DNAH2: variants seen among roughly 807,000 people sequenced by gnomAD.
DNAH2 encodes the protein axonemal beta dynein heavy chain 2.
Under a neutral mutation model 523.5 loss-of-function variants are expected in DNAH2, and 323 were observed. The observed-to-expected ratio is 0.62, with a 90% CI of 0.56 to 0.68. The LOEUF is 0.68. DNAH2 is among the 30% of genes least tolerant of loss of function. DNAH2 has a pLI of 0.00. For synonymous variants in DNAH2, 2,093 were observed against 2,177.4 expected (o/e 0.96, Z 1.08); for missense variants, 4,907 against 5,701.5 (o/e 0.86, Z 4.49).
chr17:7,748,880 A>G (rs2075589762), intron 12 of DNAH2, among the ~76,000 whole-genome samples: 1 of 152,028 alleles, frequency 6.6e-6, no homozygotes, highest in Non-Finnish European at 1.5e-5. Context: ...ATTTCTTGAC[A>G]AACTTCAGTT....
Position 7,759,482 on chromosome 17 carries a change from C to A in DNAH2, c.2509C>A (p.Arg837Ser). 1 of 1,614,124 alleles carries A rather than the reference C, an allele frequency of 6.2e-7. No individual in the cohort carries two copies. Among genetic ancestry groups the A allele is most frequent in the East Asian group, 2.2e-5 (1 of 44,880 alleles). The change falls in exon 16 of 86, where the codon CGC becomes AGC. Residue 837 changes from arginine (R) to serine (S), a missense_variant. Physicochemically the swap from Arg to Ser is moderately radical, Grantham distance 110. Coordinates refer to ENST00000572933, the MANE Select transcript of DNAH2 (RefSeq NM_020877.5). ...GGACCGCATGATGGAGGATGCCCTG[C>A]GCCTGAATGTGAAGTGGTCACTGCT... ...RLDRMMEDALRLNVKWSLLEL... is the reference protein window; with the variant it reads ...RLDRMMEDALSLNVKWSLLEL...
In DNAH2 at chr17:7,760,748, G is replaced by A. The variant is rs1460855634; in HGVS notation, c.2794G>A (p.Glu932Lys). The change falls in exon 18 of 86, where the codon GAG (glutamate) becomes AAG (lysine). Residue 932 changes from glutamate to lysine, a missense_variant. By Grantham distance (56) the Glu-to-Lys change is moderately conservative. This residue lies in a region of DNAH2 where 2,806 missense variants were observed against 3,190.8 expected (regional missense o/e 0.88). Coordinates refer to ENST00000572933, the MANE Select transcript of DNAH2 (RefSeq NM_020877.5). This position sits in a 1 kb window ranked among gnomAD's most constrained non-coding sequence, Gnocchi z 4.0. ...TTCTTGGTCCTTTGAAGAGCAAGAT[G>A]AGGACATCAAGAAGATCCAGACCCA... is the stretch of plus-strand genomic sequence containing the variant. ...EPIQTVVEQDEDIKKIQTQIS... is the reference protein window; with the variant it reads ...EPIQTVVEQDKDIKKIQTQIS... 6.2e-7 allele frequency: 1 copy of A among 1,613,604 alleles called. No homozygotes were observed. The highest frequency in any genetic ancestry group is 2.2e-5 in the East Asian group (1 of 44,878).
intron 39 of DNAH2, among the ~76,000 whole-genome samples, chr17:7,781,979 A>C (rs1002584330): frequency 7.2e-5 from 11 of 152,218 alleles, no homozygotes; most frequent in African/African-American, 2.7e-4. Flanking sequence ...AAAATGATGG[A>C]TAAAAATATA....
rs748474052 is a variant in DNAH2 at position 7,719,803 on chromosome 17, G to T, written c.69G>T (p.Gly23=). 5 of 1,613,882 alleles carry T rather than the reference G, an allele frequency of 3.1e-6. No individual in the cohort carries two copies. In the Admixed American group the frequency reaches 8.3e-5, roughly 27 times the overall value. The change falls in exon 2 of 86, where the codon GGG becomes GGT. Residue 23 remains glycine, a synonymous_variant. Coordinates refer to ENST00000572933, the MANE Select transcript of DNAH2 (RefSeq NM_020877.5). The part of the protein sequence containing the change: ...GRGSSQASWS[G]RATRAAVATQ... ...GAAGCTCCCAGGCAAGCTGGTCAGGGCGGGCCACTCGGGCTGCTGTGGCCA... is the reference window on the plus strand; with the variant it reads ...GAAGCTCCCAGGCAAGCTGGTCAGGTCGGGCCACTCGGGCTGCTGTGGCCA...
intron 59 of DNAH2, 133 bp from the exon 60 acceptor site, chr17:7,804,825 G>A (rs1344543387): frequency 4.0e-5 from 30 of 742,194 alleles, no homozygotes; most frequent in African/African-American, 1.1e-4. Context: ...CAGCCTGGGC[G>A]AAAGAGCTAG....
chr17:7,778,879 C>A (rs1350933530), intron 35 of DNAH2, among the ~76,000 whole-genome samples: 2 of 152,158 alleles, frequency 1.3e-5, no homozygotes, highest in African/African-American at 4.8e-5. Context: ...ACGTATAATT[C>A]TTACAACTAG....
rs772095738 is a variant in DNAH2, at chr17:7,764,132, G to T, written c.3195G>T (p.Pro1065=). The T allele has an allele frequency of 6.2e-7, 1 of 1,614,046 alleles. No homozygotes were observed. The highest frequency in any genetic ancestry group is 8.5e-7 in the Non-Finnish European group (1 of 1,180,052). ...KENAEKISRP[P]QTLEELGVSL... is the part of the protein sequence containing the mutation. ...CCGCCTTCAGAATCAGCCGCCCTCC[G>T]CAGACACTGGAGGAACTGGGGGTCA... The change falls in exon 20 of 86, where the codon CCG becomes CCT. Residue 1065 remains proline, a synonymous_variant. Transcript: ENST00000572933.
At position 7,757,320 on chromosome 17, in the gene DNAH2, A is replaced by G. The variant is rs180965276; in HGVS notation, c.2051+83A>G. On this transcript the variant is annotated intron_variant, in intron 13 of 85. Transcript: ENST00000572933. ...TCTTATCTGCCCTGTAATGTTGTTC[A>G]TTTTCTACAATTTCTGTCCTCTACA... 1.5e-3 allele frequency: 2,173 copies of G among 1,486,228 alleles called. 55 individuals are homozygous for G. In the Admixed American group the frequency reaches 0.044, roughly 30 times the overall value. The allele number at this position is 1,486,228 out of a possible 1,614,324, so 92.1% of individuals were successfully genotyped here.
intron 31 of DNAH2, 52 bp downstream of exon 31, chr17:7,776,201 C>G (rs1278632616): frequency 6.3e-6 from 10 of 1,593,500 alleles, no homozygotes; most frequent in Non-Finnish European, 8.6e-6. Flanking sequence ...CACGGTGGCT[C>G]ACGCCTGTAA....
chr17:7,785,488 T>G (rs2076710471), intron 39 of DNAH2, among the ~76,000 whole-genome samples: 1 of 152,170 alleles, frequency 6.6e-6, no homozygotes, highest in Non-Finnish European at 1.5e-5. Context: ...GAAAACATAC[T>G]AATAAAACTA....
rs769592554 is a variant in DNAH2 at position 7,770,412 on chromosome 17, C to G, written c.4098+4C>G. ...TAAAGAGCTGGCTATAGAAGTGGTA[C>G]GACAGTCCCCTCCCATGCTCCCACA... On this transcript the variant is annotated splice_donor_region_variant and intron_variant, in intron 25 of 85. Transcript: ENST00000572933. 15 of 1,611,260 alleles carry G rather than the reference C, an allele frequency of 9.3e-6. No individual in the cohort carries two copies. In the East Asian group the frequency reaches 2.9e-4, roughly 31 times the overall value.
chr17:7,724,742 C>CTTTTTTTTTTTTTTTTTTTTTT (rs57294591), intron 3 of DNAH2, among the ~76,000 whole-genome samples: 1 of 130,446 alleles, frequency 7.7e-6, no homozygotes, highest in Non-Finnish European at 1.6e-5. Flanking sequence ...TCATATGTTA[C>CTTTTTTTTTTTTTTTTTTTTTT]TTTTTTTTTT....
In DNAH2 at chr17:7,823,825, C is replaced by A; in HGVS notation, c.11330-9C>A. 13 of 1,613,616 alleles carry A rather than the reference C, an allele frequency of 8.1e-6. No individual in the cohort carries two copies. The highest frequency in any genetic ancestry group is 1.0e-5 in the Non-Finnish European group (12 of 1,179,690). On this transcript the variant is annotated splice_polypyrimidine_tract_variant and intron_variant, in intron 74 of 85. Transcript: ENST00000572933. ...TCCCTCTCCCTGCAATGACTCACCT[C>A]ATCCCCAGGTGAGTGGGAAAATGCC...
At chr17:7,762,243 G>A (rs1050519072) in intron 18 of DNAH2, among the ~76,000 whole-genome samples, 7 of 152,098 alleles carry the variant, frequency 4.6e-5, no homozygotes, top group South Asian at 2.1e-4. Flanking sequence ...GATATCACAC[G>A]CCAGGGCAGT....
At chr17:7,771,047 T>G (rs1379170288) in intron 27 of DNAH2, 114 bp downstream of exon 27, 1 of 1,197,688 alleles carries the variant, frequency 8.3e-7, no homozygotes, top group Non-Finnish European at 1.2e-6. Context: ...AAGTCACTCT[T>G]CATCTAGGAC....
At position 7,792,847 on chromosome 17, in the gene DNAH2, T is replaced by C; in HGVS notation, c.7336T>C (p.Ser2446Pro). The C allele has an allele frequency of 6.2e-7, 1 of 1,613,810 alleles. No individual in the cohort carries two copies. Among genetic ancestry groups the C allele is most frequent in the Non-Finnish European group, 8.5e-7 (1 of 1,179,744 alleles). ...SQWSVLVVNM[S>P]AQTTSNNVQS... ...GTGGTCGGTGCTCGTTGTCAACATG[T>C]CCGCACAGGTGTGTCGGGGATCCAG... The change falls in exon 47 of 86, where the codon TCC becomes CCC. Residue 2446 changes from serine to proline, a missense_variant. Transcript: ENST00000572933.
Position 7,797,289 on chromosome 17 carries a change from A to C in DNAH2, c.7949+28A>C, listed in dbSNP as rs115953713. ...GACATGCATGTGCCCTGGCCAAACG[A>C]AGGCTTCCTCAGCCTTGCTCCCACC... On this transcript the variant is annotated intron_variant, in intron 51 of 85. Transcript: ENST00000572933. 762 of 1,613,864 alleles carry C rather than the reference A, an allele frequency of 4.7e-4. 3 individuals carry two copies. In the African/African-American group the frequency reaches 9.1e-3, roughly 19 times the overall value.
chr17:7,784,492 A>G (rs889308153), intron 39 of DNAH2, among the ~76,000 whole-genome samples: 2 of 152,188 alleles, frequency 1.3e-5, no homozygotes, highest in Admixed American at 6.5e-5. Context: ...GCATTGAGCC[A>G]TGACTGTACC....
intron 35 of DNAH2, among the ~76,000 whole-genome samples, 198 bp from the exon 36 acceptor site, chr17:7,779,045 C>T (rs1433826023): frequency 6.6e-6 from 1 of 152,202 alleles, no homozygotes; most frequent in East Asian, 1.9e-4. Flanking sequence ...CCTTTTCTAG[C>T]ATCACCCCAG....
Sources: allele counts gnomAD v4.1 joint callset (sites outside exome capture counted in the v4.1 genomes callset), GRCh38; gene constraint gnomAD v4.1.1; regional missense constraint gnomAD v4.1.1; non-coding constraint Gnocchi (gnomAD v3.1); transcripts MANE v1.5; gene names NCBI Gene and HGNC (gene_info 2026-07-23, HGNC 2026-07-21).